PTPRG: variants seen among roughly 807,000 people sequenced by gnomAD.
PTPRG encodes receptor-type tyrosine-protein phosphatase gamma.
A neutral mutation model predicts 165.3 loss-of-function variants in PTPRG; 102 were observed. The ratio of observed to expected loss-of-function variants is 0.62; its 90% CI spans 0.53 to 0.73. The LOEUF (loss-of-function observed/expected upper bound fraction) is 0.73. Ranked by LOEUF, PTPRG falls within the 30% of genes least tolerant of loss-of-function variation. The pLI, the probability that PTPRG is intolerant of heterozygous loss-of-function variation, is 0.00. For synonymous variants in PTPRG, 675 were observed against 669.5 expected, an observed-to-expected ratio of 1.01 and a Z score of -0.13; for missense variants, 1,866 against 1,861.4, an observed-to-expected ratio of 1.00 and a Z score of -0.05.
At chr3:61,796,080 C>T (rs1253777840) in intron 2 of PTPRG, among the ~76,000 whole-genome samples, 2 of 152,162 alleles carry the variant, frequency 1.3e-5, no homozygotes, top group Non-Finnish European at 2.9e-5. Context: ...CTTTAATAAT[C>T]ATCCCATTAA....
chr3:61,574,865 A>ACC (rs1700140126), intron 1 of PTPRG, among the ~76,000 whole-genome samples: 2 of 152,082 alleles, frequency 1.3e-5, no homozygotes, highest in South Asian at 4.2e-4. Context: ...CTTCGTAACA[A>ACC]CCCCGCTCAA....
chr3:61,637,707 C>G (rs1309096673), intron 1 of PTPRG, among the ~76,000 whole-genome samples: 1 of 152,182 alleles, frequency 6.6e-6, no homozygotes, highest in Admixed American at 6.5e-5. Context: ...TCTGTCCTCA[C>G]CAGTGTTGCC....
Position 61,910,771 on chromosome 3 carries a change from C to T in PTPRG, c.191-78854C>T, listed in dbSNP as rs939957983. On this transcript the variant is annotated intron_variant, in intron 2 of 29. Transcript: ENST00000474889. ...CTGCTTTCCCCACAGAACCCCCTGC[C>T]TCTGTTCGGTGCAGCCAGGAGGAAA... Among the ~76,000 whole-genome samples the T allele has an allele frequency of 3.3e-5, 5 of 152,286 alleles. No individual in the cohort carries two copies. The East Asian group carries it at 9.6e-4, about 29-fold the overall frequency.
At chr3:61,690,384 A>T (rs1016243208) in intron 1 of PTPRG, among the ~76,000 whole-genome samples, 1 of 152,212 alleles carries the variant, frequency 6.6e-6, no homozygotes, top group African/African-American at 2.4e-5. Flanking sequence ...TCTCCAGGAT[A>T]AATGGCAATT....
intron 8 of PTPRG, among the ~76,000 whole-genome samples, chr3:62,189,690 GC>G (rs1443782587): frequency 6.6e-6 from 1 of 152,028 alleles, no homozygotes; most frequent in African/African-American, 2.4e-5. Flanking sequence ...CTCCTCACAG[GC>G]CCCCTCCTCC....
chr3:61,657,404 G>A (rs546109116), intron 1 of PTPRG, among the ~76,000 whole-genome samples: 19 of 152,220 alleles, frequency 1.2e-4, no homozygotes, highest in Admixed American at 4.6e-4. Flanking sequence ...CCAAAGGCAA[G>A]GTGCTCCATT....
In PTPRG at chr3:62,219,824, T is replaced by C. The variant is rs1277788204; in HGVS notation, c.2288+841T>C. ...TTTCTGAAGAAGTGAGTAAAACAGA[T>C]AAGAATCCTTACTGTCATGGAGCTT... On this transcript the variant is annotated intron_variant, in intron 13 of 29. Coordinates refer to ENST00000474889, the MANE Select transcript of PTPRG (RefSeq NM_002841.4). The surrounding 1 kb of genome is among the most constrained non-coding windows in gnomAD (Gnocchi z 4.5). 1.3e-5 allele frequency among the ~76,000 whole-genome samples: 2 copies of C among 152,208 alleles called. No homozygotes were observed. The highest frequency in any genetic ancestry group is 3.8e-4 in the East Asian group (2 of 5,200).
Position 61,708,126 on chromosome 3 carries a change from G to A in PTPRG, c.86-40752G>A, listed in dbSNP as rs767931811. On this transcript the variant is annotated intron_variant, in intron 1 of 29. Coordinates refer to ENST00000474889, the MANE Select transcript of PTPRG (RefSeq NM_002841.4). Reference sequence around the variant, plus strand: ...TTTTTTAGGGATATTTGCCTCCCCGGAACGCTGTGTCACTTTGTGCTGCTC... The same window carrying A: ...TTTTTTAGGGATATTTGCCTCCCCGAAACGCTGTGTCACTTTGTGCTGCTC... Among the ~76,000 whole-genome samples the A allele has an allele frequency of 1.1e-3, 174 of 151,800 alleles. 4 individuals carry two copies. Among genetic ancestry groups the A allele is most frequent in the Non-Finnish European group, 2.5e-4 (17 of 67,964 alleles).
chr3:62,268,520 TAAATA>T (rs1338837535), intron 19 of PTPRG, among the ~76,000 whole-genome samples: 1 of 151,872 alleles, frequency 6.6e-6, no homozygotes, highest in African/African-American at 2.4e-5. Flanking sequence ...AAAATAAAAA[TAAATA>T]AAAGAACCTA....
intron 1 of PTPRG, among the ~76,000 whole-genome samples, chr3:61,600,425 T>C (rs1700831524): frequency 1.3e-5 from 2 of 152,164 alleles, no homozygotes; most frequent in East Asian, 3.9e-4. Context: ...AACTGTACTT[T>C]TTGAGTGATT....
In PTPRG at chr3:62,255,106, T is replaced by C. The variant is rs770262786; in HGVS notation, c.2468-18T>C. The C allele has an allele frequency of 6.3e-7, 1 of 1,594,724 alleles. No individual in the cohort carries two copies. The highest frequency in any genetic ancestry group is 1.1e-5 in the South Asian group (1 of 89,454). Reference sequence around the variant, plus strand: ...GAAGTATTCTATGTAACTTTGAATATTATTTTATTCCCCCCAGATGACATG... The same window carrying C: ...GAAGTATTCTATGTAACTTTGAATACTATTTTATTCCCCCCAGATGACATG... On this transcript the variant is annotated intron_variant, in intron 15 of 29. Coordinates refer to ENST00000474889, the MANE Select transcript of PTPRG (RefSeq NM_002841.4). The surrounding 1 kb of genome is among the most constrained non-coding windows in gnomAD (Gnocchi z 4.0).
intron 10 of PTPRG, among the ~76,000 whole-genome samples, chr3:62,196,388 A>C: frequency 6.6e-6 from 1 of 152,150 alleles, no homozygotes; most frequent in African/African-American, 2.4e-5. Flanking sequence ...GGGCAACAAG[A>C]GTAAAACTCC....
At chr3:61,966,686 G>T (rs1465328868) in intron 2 of PTPRG, among the ~76,000 whole-genome samples, 1 of 151,892 alleles carries the variant, frequency 6.6e-6, no homozygotes, top group Non-Finnish European at 1.5e-5. Context: ...TTATATGCCA[G>T]TACTTTTTGC....
intron 28 of PTPRG, among the ~76,000 whole-genome samples, chr3:62,287,522 A>G (rs1306074550): frequency 6.6e-6 from 1 of 152,198 alleles, no homozygotes; most frequent in Non-Finnish European, 1.5e-5. Context: ...TAAAAACTTA[A>G]AAGATAGGAT....
At position 62,233,286 on chromosome 3, in the gene PTPRG, T is replaced by C. The variant is rs1053867313; in HGVS notation, c.2375+1975T>C. 3.9e-5 allele frequency among the ~76,000 whole-genome samples: 6 copies of C among 152,192 alleles called. No individual in the cohort carries two copies. Among genetic ancestry groups the C allele is most frequent in the Middle Eastern group, 3.2e-3 (1 of 316 alleles). On this transcript the variant is annotated intron_variant, in intron 14 of 29. Coordinates refer to ENST00000474889, the MANE Select transcript of PTPRG (RefSeq NM_002841.4). This position sits in a 1 kb window ranked among gnomAD's most constrained non-coding sequence, Gnocchi z 4.7. ...TCCTGTCCTCAAGGGGCGCCATGTCTGTGCTTCTTACGCTAGCCGCCCTGC... is the reference window on the plus strand; with the variant it reads ...TCCTGTCCTCAAGGGGCGCCATGTCCGTGCTTCTTACGCTAGCCGCCCTGC...
intron 2 of PTPRG, among the ~76,000 whole-genome samples, chr3:61,929,179 T>A (rs1284396817): frequency 2.0e-5 from 3 of 152,190 alleles, no homozygotes; most frequent in African/African-American, 7.2e-5. Context: ...CAAAAATGTG[T>A]CAGCCATTTA....
intron 1 of PTPRG, among the ~76,000 whole-genome samples, chr3:61,574,096 C>T (rs1475796827): frequency 6.6e-6 from 1 of 151,330 alleles, no homozygotes; most frequent in African/African-American, 2.4e-5. Flanking sequence ...GTCATTGTAT[C>T]AAAAGTGGCC....
intron 2 of PTPRG, among the ~76,000 whole-genome samples, chr3:61,895,439 CT>C (rs2038329498): frequency 6.6e-6 from 1 of 152,126 alleles, no homozygotes; most frequent in Non-Finnish European, 1.5e-5. Context: ...GCCTATCTTG[CT>C]AGTGATTAAG....
At chr3:61,982,461 A>C (rs1287235898) in intron 2 of PTPRG, among the ~76,000 whole-genome samples, 3 of 152,148 alleles carry the variant, frequency 2.0e-5, no homozygotes, top group Non-Finnish European at 4.4e-5. Context: ...GATACACCTA[A>C]ACATGCATAG....
Sources: gnomAD v4.1 joint callset for allele counts (sites outside exome capture counted in the v4.1 genomes callset) on GRCh38, gnomAD v4.1.1 for gene constraint, Gnocchi (gnomAD v3.1) non-coding constraint, MANE v1.5 for transcripts, NCBI Gene and HGNC (gene_info 2026-07-23, HGNC 2026-07-21) for gene names.